The following FOCAD variants were observed in gnomAD, a reference collection of about 807,000 sequenced individuals.
The protein encoded by FOCAD is focadhesin.
Under a neutral mutation model 225.6 loss-of-function variants are expected in FOCAD, and 198 were observed. The ratio of observed to expected loss-of-function variants is 0.88; its 90% confidence interval spans 0.78 to 0.99. The LOEUF (loss-of-function observed/expected upper bound fraction) is 0.99, where lower values mean the gene tolerates loss of function less well. Among genes scored for constraint, FOCAD ranks in the 50% least tolerant of loss-of-function variants. FOCAD has a pLI of 0.00. For missense variants in FOCAD, 2,713 were observed against 2,123.6 expected (o/e 1.28, Z -5.46); for synonymous variants, 897 against 755.0 (o/e 1.19, Z -3.08).
At chr9:20,981,331 A>G (rs1840679967) in intron 37 of FOCAD, 95 bp from the exon 38 acceptor site, 2 of 1,379,482 alleles carry the variant, frequency 1.4e-6, no homozygotes, top group East Asian at 2.3e-5. Context: ...TTTATCTCTC[A>G]GTCTACCCTC....
chr9:20,959,544 A>T (rs994707725), intron 35 of FOCAD, among the ~76,000 whole-genome samples: 1 of 152,006 alleles, frequency 6.6e-6, no homozygotes, highest in Admixed American at 6.6e-5. Context: ...AGTTTGATGT[A>T]ATCCCATTTA....
chr9:20,745,039 AT>A (rs1827932060), intron 5 of FOCAD, among the ~76,000 whole-genome samples: 1 of 150,894 alleles, frequency 6.6e-6, no homozygotes, highest in African/African-American at 2.4e-5. Context: ...TCCCTTTTTT[AT>A]TTGGTCTGAA....
At chr9:20,768,931 G>A (rs959878945) in intron 7 of FOCAD, among the ~76,000 whole-genome samples, 1 of 152,110 alleles carries the variant, frequency 6.6e-6, no homozygotes, top group Non-Finnish European at 1.5e-5. Flanking sequence ...AGATTAGAGA[G>A]CCTTTAATGC....
intron 29 of FOCAD, among the ~76,000 whole-genome samples, chr9:20,945,481 G>A (rs1837084783): frequency 6.6e-6 from 1 of 152,184 alleles, no homozygotes. Flanking sequence ...CTATTGATGA[G>A]TACATAATGG....
intron 18 of FOCAD, among the ~76,000 whole-genome samples, chr9:20,869,472 T>C (rs1040679126): frequency 7.1e-4 from 108 of 152,220 alleles, no homozygotes; most frequent in African/African-American, 2.3e-3. Flanking sequence ...CATCAATTTA[T>C]GTTGTATAAC....
chr9:20,709,267 A>G (rs1824640651), intron 1 of FOCAD, among the ~76,000 whole-genome samples: 1 of 152,212 alleles, frequency 6.6e-6, no homozygotes, highest in Non-Finnish European at 1.5e-5. Context: ...AGGTTTAGAC[A>G]GACAAAAAAG....
Position 20,897,285 on chromosome 9 carries a change from C to T in FOCAD, c.2626-9865C>T, listed in dbSNP as rs1247046965. ...TACGTTTTATCTGTATGTGTCTTTACATTAAAGTAGATTTCTTGTAGACAA... is the reference window on the plus strand; with the variant it reads ...TACGTTTTATCTGTATGTGTCTTTATATTAAAGTAGATTTCTTGTAGACAA... On this transcript the variant is annotated intron_variant, in intron 21 of 43. Coordinates refer to ENST00000338382, the MANE Select transcript of FOCAD (RefSeq NM_001375567.1). Among the ~76,000 whole-genome samples, 3 of 151,752 alleles carry T rather than the reference C, an allele frequency of 2.0e-5. No homozygotes were observed. In the East Asian group the frequency reaches 5.8e-4, roughly 29 times the overall value.
intron 15 of FOCAD, among the ~76,000 whole-genome samples, chr9:20,844,192 T>A (rs1230918503): frequency 6.6e-6 from 1 of 152,042 alleles, no homozygotes; most frequent in Non-Finnish European, 1.5e-5. Flanking sequence ...ACCACCCAGA[T>A]GGCCATTTAG....
At chr9:20,885,251 C>G in intron 21 of FOCAD, 21 bp downstream of exon 21, 1 of 1,435,330 alleles carries the variant, frequency 7.0e-7, no homozygotes, top group South Asian at 1.7e-5. Flanking sequence ...GTGTCCTCTT[C>G]TTTATGTTTT....
At chr9:20,768,111 G>T (rs1481237595) in intron 7 of FOCAD, among the ~76,000 whole-genome samples, 2 of 149,064 alleles carry the variant, frequency 1.3e-5, no homozygotes, top group East Asian at 4.0e-4. Context: ...GTTTTTCTCA[G>T]GTTTGTCAAA....
chr9:20,899,613 A>T (rs1564128282), intron 21 of FOCAD, among the ~76,000 whole-genome samples: 1 of 151,916 alleles, frequency 6.6e-6, no homozygotes, highest in Non-Finnish European at 1.5e-5. Context: ...CTGGACTAGA[A>T]ACCTTCGCTT....
intron 1 of FOCAD, among the ~76,000 whole-genome samples, chr9:20,688,257 C>T (rs529296827): frequency 6.2e-4 from 94 of 152,264 alleles, no homozygotes; most frequent in Middle Eastern, 6.8e-3. Context: ...ATTTGCATTA[C>T]ATGTGACAGA....
At chr9:20,876,196 T>G (rs1427464332) in intron 19 of FOCAD, among the ~76,000 whole-genome samples, 1 of 152,152 alleles carries the variant, frequency 6.6e-6, no homozygotes, top group Non-Finnish European at 1.5e-5. Context: ...CCTCAAAGAC[T>G]TGTTCACTCT....
chr9:20,970,258 A>C (rs1236234334), intron 35 of FOCAD, among the ~76,000 whole-genome samples: 1 of 152,018 alleles, frequency 6.6e-6, no homozygotes, highest in Non-Finnish European at 1.5e-5. Flanking sequence ...AAATTGGAGA[A>C]GTTTTAGGCC....
intron 18 of FOCAD, among the ~76,000 whole-genome samples, chr9:20,871,935 A>G (rs1052554532): frequency 6.6e-6 from 1 of 151,428 alleles, no homozygotes; most frequent in African/African-American, 2.4e-5. Flanking sequence ...AAAAAATTAA[A>G]AAAAAAAGAA....
intron 24 of FOCAD, 143 bp from the exon 25 acceptor site, chr9:20,923,517 C>T (rs1834646660): frequency 1.7e-6 from 1 of 599,762 alleles, no homozygotes; most frequent in Non-Finnish European, 3.0e-6. Flanking sequence ...GTTGGCCTAA[C>T]ACAACAAACA....
intron 2 of FOCAD, among the ~76,000 whole-genome samples, chr9:20,661,502 A>C (rs1043145422): frequency 3.3e-5 from 5 of 152,186 alleles, no homozygotes; most frequent in African/African-American, 1.2e-4. Flanking sequence ...GCAGTTGTTC[A>C]CTTGATGGGC....
chr9:20,807,877 C>G (rs1822631222), intron 11 of FOCAD, among the ~76,000 whole-genome samples: 1 of 152,082 alleles, frequency 6.6e-6, no homozygotes, highest in Admixed American at 6.6e-5. Flanking sequence ...CAGTGAAACC[C>G]TGTCTCTAAT....
chr9:20,673,759 G>A (rs1160812961), intron 2 of FOCAD, among the ~76,000 whole-genome samples: 1 of 152,056 alleles, frequency 6.6e-6, no homozygotes, highest in Non-Finnish European at 1.5e-5. Flanking sequence ...CGTGCCACAC[G>A]TGGTGTCTCA....
Sources: allele counts gnomAD v4.1 joint callset (sites outside exome capture counted in the v4.1 genomes callset), GRCh38; gene constraint gnomAD v4.1.1; transcripts MANE v1.5; gene names NCBI Gene and HGNC (gene_info 2026-07-23, HGNC 2026-07-21).